The following SSUH2 variants were observed in gnomAD, a reference collection of about 807,000 sequenced individuals.
SSUH2 encodes the protein ssu-2 homolog.
A neutral mutation model predicts 55.3 loss-of-function variants in SSUH2; 47 were observed. The observed-to-expected ratio is 0.85, with a 90% CI of 0.67 to 1.08. The LOEUF is 1.08. Among genes scored for constraint, SSUH2 ranks in the 50% least tolerant of loss-of-function variants. The pLI, the probability that SSUH2 is intolerant of heterozygous loss-of-function variation, is 0.00. For synonymous variants in SSUH2, 212 were observed against 191.5 expected, an observed-to-expected ratio of 1.11 and a Z score of -0.89; for missense variants, 535 against 490.7, an observed-to-expected ratio of 1.09 and a Z score of -0.85.
chr3:8,632,506 T>A (rs1339786237), intron 4 of SSUH2, among the ~76,000 whole-genome samples: 1 of 152,234 alleles, frequency 6.6e-6, no homozygotes, highest in Non-Finnish European at 1.5e-5. Flanking sequence ...TTGATCTTCA[T>A]CCATAGGGTG....
intron 8 of SSUH2, chr3:8,627,145 G>A (rs1427298950): frequency 6.6e-6 from 1 of 152,220 alleles, no homozygotes; most frequent in Non-Finnish European, 1.5e-5. Flanking sequence ...ACTCCTCACG[G>A]TTTCCTGTTT....
chr3:8,674,856 C>T (rs547261110), intron 3 of SSUH2, among the ~76,000 whole-genome samples: 150 of 143,328 alleles, frequency 1.0e-3, no homozygotes, highest in African/African-American at 3.2e-3. Context: ...TCTGGCCAAG[C>T]GGTGGCCAAG....
chr3:8,627,154 T>C (rs886425886), intron 8 of SSUH2: 35 of 152,396 alleles, frequency 2.3e-4, no homozygotes, highest in African/African-American at 8.2e-4. Flanking sequence ...GGTTTCCTGT[T>C]TCCCTTAAAA....
chr3:8,642,632 T>A (rs1024332045), intron 1 of SSUH2, among the ~76,000 whole-genome samples: 1 of 152,246 alleles, frequency 6.6e-6, no homozygotes, highest in Non-Finnish European at 1.5e-5. Context: ...AACGTTCCTA[T>A]CCATGCACTT....
intron 3 of SSUH2, among the ~76,000 whole-genome samples, chr3:8,675,338 C>G (rs1328185548): frequency 6.6e-6 from 1 of 152,212 alleles, no homozygotes; most frequent in Non-Finnish European, 1.5e-5. Context: ...AACTCCCCCA[C>G]CATCTTCGGG....
chr3:8,679,823 A>T (rs1359537116), exon 2 of SSUH2: 2 of 152,752 alleles, frequency 1.3e-5, no homozygotes, highest in African/African-American at 2.4e-5. Flanking sequence ...TCAGAAAGAA[A>T]GCAGGTCATT....
intron 3 of SSUH2, among the ~76,000 whole-genome samples, chr3:8,673,156 A>T (rs552256517): frequency 6.6e-6 from 1 of 152,192 alleles, no homozygotes; most frequent in African/African-American, 2.4e-5. Flanking sequence ...CTAATGAATA[A>T]GATCAATATC....
At chr3:8,632,939 GT>G (rs1431761844) in intron 4 of SSUH2, among the ~76,000 whole-genome samples, 2 of 152,174 alleles carry the variant, frequency 1.3e-5, no homozygotes, top group Non-Finnish European at 2.9e-5. Flanking sequence ...CCAAATCTGA[GT>G]TTGAATCTCA....
At chr3:8,633,925 A>G (rs756150003) in intron 3 of SSUH2, 130 bp from the exon 4 acceptor site, 3 of 1,614,006 alleles carry the variant, frequency 1.9e-6, no homozygotes. Context: ...CAGCAGTCCA[A>G]CTGGGGAGGG....
chr3:8,681,095 A>AC (rs1162310807), intron 1 of SSUH2, among the ~76,000 whole-genome samples: 1 of 91,818 alleles, frequency 1.1e-5, no homozygotes, highest in Non-Finnish European at 2.5e-5. Context: ...GGGGAGAGGC[A>AC]CCCCCGCGAG....
chr3:8,635,690 C>T lies in SSUH2; in HGVS notation c.127+69G>A, dbSNP rs923730682. ...AGCTATCTCAGCACCACCTTTTTCCCGAGACATCCCACCAACCAGCGTGAG... is the reference window on the plus strand; with the variant it reads ...AGCTATCTCAGCACCACCTTTTTCCTGAGACATCCCACCAACCAGCGTGAG... On this transcript the variant is annotated intron_variant, in intron 2 of 11. Transcript: ENST00000544814. The T allele has an allele frequency of 3.7e-5, 51 of 1,386,394 alleles. No individual in the cohort carries two copies. In the East Asian group the frequency reaches 7.8e-4, roughly 21 times the overall value. The allele number at this position is 1,386,394 out of a possible 1,614,324, so 85.9% of individuals were successfully genotyped here. A position where few individuals can be genotyped will look rare whatever the true frequency, so the allele number is the denominator to read the frequency against.
At chr3:8,628,961 G>T (rs867597954) in intron 7 of SSUH2, among the ~76,000 whole-genome samples, 1 of 152,200 alleles carries the variant, frequency 6.6e-6, no homozygotes, top group Non-Finnish European at 1.5e-5. Flanking sequence ...GTTCACGCCT[G>T]TCTCCTGCCT....
chr3:8,627,868 C>G, intron 7 of SSUH2, 85 bp from the exon 8 acceptor site: 1 of 1,231,140 alleles, frequency 8.1e-7, no homozygotes, highest in Non-Finnish European at 1.1e-6. Context: ...CAAATCCCAG[C>G]CTGGTGACCT....
intron 4 of SSUH2, among the ~76,000 whole-genome samples, chr3:8,671,363 A>G (rs1704544569): frequency 6.6e-6 from 1 of 151,964 alleles, no homozygotes; most frequent in Non-Finnish European, 1.5e-5. Flanking sequence ...CGATAATATC[A>G]CAGAGTGTAC....
Position 8,668,077 on chromosome 3 carries a change from G to A in SSUH2, c.-455+2921C>T, listed in dbSNP as rs1575359989. Among the ~76,000 whole-genome samples the A allele has an allele frequency of 4.0e-5, 6 of 151,612 alleles. No homozygotes were observed. In the South Asian group the frequency reaches 1.1e-3, roughly 27 times the overall value. ...TAAATTAACTAATTAAAAGACCCAG[G>A]GTCTCCAGGTGAAGCACCGAGAGAA... is the stretch of plus-strand genomic sequence containing the variant. On this transcript the variant is annotated intron_variant, in intron 5 of 18. Coordinates refer to the SSUH2 transcript ENST00000317371.
chr3:8,640,285 A>G (rs1443451016), intron 1 of SSUH2, among the ~76,000 whole-genome samples: 2 of 152,204 alleles, frequency 1.3e-5, no homozygotes, highest in Non-Finnish European at 2.9e-5. Context: ...GGTGATCCTA[A>G]GAGAAAGAAA....
At chr3:8,670,063 C>A (rs1245479768) in intron 5 of SSUH2, among the ~76,000 whole-genome samples, 1 of 151,980 alleles carries the variant, frequency 6.6e-6, no homozygotes, top group Non-Finnish European at 1.5e-5. Flanking sequence ...AGTGCTTGCA[C>A]CTCCGCAAGA....
chr3:8,624,767 CAGTGGG>C (rs1697177572), intron 10 of SSUH2, among the ~76,000 whole-genome samples: 2 of 152,190 alleles, frequency 1.3e-5, no homozygotes, highest in African/African-American at 4.8e-5. Flanking sequence ...CAAAGGCAGG[CAGTGGG>C]CTGGGTGTGC....
chr3:8,625,208 AGGAAGGAGGGGATGAGGAAGAAAG>A (rs1400394390), intron 10 of SSUH2, among the ~76,000 whole-genome samples: 5 of 151,998 alleles, frequency 3.3e-5, no homozygotes, highest in East Asian at 3.9e-4. Context: ...GATTTGTGGA[AGGAAGGAGGGGATGAGGAAGAAAG>A]GGAAGGAGGG....
Sources: allele counts gnomAD v4.1 joint callset (sites outside exome capture counted in the v4.1 genomes callset), GRCh38; gene constraint gnomAD v4.1.1; transcripts MANE v1.5; gene names NCBI Gene and HGNC (gene_info 2026-07-23, HGNC 2026-07-21).